SAMD14: variants seen among roughly 807,000 people sequenced by gnomAD.
SAMD14 encodes the protein sterile alpha motif domain containing 14, also known as sterile alpha motif domain-containing protein 14.
SAMD14 carries 27 observed loss-of-function variants against 46.2 expected under a neutral mutation model. The observed-to-expected ratio is 0.58, with a 90% CI of 0.43 to 0.81. The LOEUF is 0.81. Ranked by LOEUF, SAMD14 falls within the 30% of genes least tolerant of loss-of-function variation. The pLI is 0.00. For synonymous variants in SAMD14, 241 were observed against 254.3 expected, an observed-to-expected ratio of 0.95 and a Z score of 0.50; for missense variants, 559 against 582.2, an observed-to-expected ratio of 0.96 and a Z score of 0.41.
rs1374367088 is a variant in SAMD14 at position 50,129,909 on chromosome 17, C to G, written c.-405G>C. Reference sequence around the variant, plus strand: ...CCTCCCTCCCCGCCCCTGCCGCCCGCCAGGCCTGGCCGGACGCGGGGCCCC... The same window carrying G: ...CCTCCCTCCCCGCCCCTGCCGCCCGGCAGGCCTGGCCGGACGCGGGGCCCC... On this transcript the variant is annotated 5_prime_UTR_variant, in exon 1 of 10. Transcript: ENST00000330175. The surrounding 1 kb of genome is among the most constrained non-coding windows in gnomAD (Gnocchi z 5.6). The G allele has an allele frequency of 6.6e-6, 1 of 151,924 alleles. No homozygotes were observed. Among genetic ancestry groups the G allele is most frequent in the Non-Finnish European group, 1.5e-5 (1 of 67,952 alleles). The allele number at this position is 151,924 out of a possible 1,614,324, so 9.4% of individuals were successfully genotyped here. A position where few individuals can be genotyped will look rare whatever the true frequency, so the allele number is the denominator to read the frequency against.
In SAMD14 at chr17:50,117,559, G is replaced by A; in HGVS notation, c.347C>T (p.Pro116Leu). Residue 116 changes from proline (P) to leucine (L), a missense_variant, in exon 4 of 10, where the codon CCC (proline) becomes CTC (leucine). Coordinates refer to ENST00000330175, the MANE Select transcript of SAMD14 (RefSeq NM_001257359.2). ...RRSLDEDEPPPSPLTRYRPLH... is the reference protein window; with the variant it reads ...RRSLDEDEPPLSPLTRYRPLH... ...GGGCCGGTAGCGTGTGAGCGGCGAG[G>A]GCGGCGGCTCGTCCTCGTCCAGGCT... 1 of 1,552,478 alleles carries A rather than the reference G, an allele frequency of 6.4e-7. No homozygotes were observed. The highest frequency in any genetic ancestry group is 1.2e-5 in the South Asian group (1 of 84,290).
At position 50,112,962 on chromosome 17, in the gene SAMD14, C is replaced by T; in HGVS notation, c.1185G>A (p.Lys395=). 2 of 1,611,338 alleles carry T rather than the reference C, an allele frequency of 1.2e-6. No individual in the cohort carries two copies. Among genetic ancestry groups the T allele is most frequent in the South Asian group, 1.1e-5 (1 of 91,090 alleles). ...GCTGCCGCGCAGCCTTCTCCTGGGC[C>T]TTGCGCTCCTTCTCGGCAGCTGCTG... ...EMAAAAEKER[K]AQEKAARQRE... Residue 395 remains lysine (K), a synonymous_variant, in exon 10 of 10, where the codon AAG becomes AAA. Coordinates refer to ENST00000330175, the MANE Select transcript of SAMD14 (RefSeq NM_001257359.2).
At position 50,118,197 on chromosome 17, in the gene SAMD14, C is replaced by T. The variant is rs367654801; in HGVS notation, c.174G>A (p.Ala58=). The change falls in exon 3 of 10, where the codon GCG becomes GCA. Residue 58 remains alanine, a synonymous_variant. Transcript: ENST00000330175. The stretch of plus-strand genomic sequence containing the variant: ...GCCCATCCGAGCCTTCACCATCCTC[C>T]GCGGAGCTGGCACTGTCCCGAAGCC... ...RSRLRDSASS[A]EDGEGSDGPG... 3 of 1,610,328 alleles carry T rather than the reference C, an allele frequency of 1.9e-6. No homozygotes were observed. The highest frequency in any genetic ancestry group is 1.7e-6 in the Non-Finnish European group (2 of 1,177,462).
chr17:50,116,651 C>T (rs955728221), intron 4 of SAMD14, among the ~76,000 whole-genome samples: 1 of 152,010 alleles, frequency 6.6e-6, no homozygotes, highest in Non-Finnish European at 1.5e-5. Flanking sequence ...AGGTGATCCA[C>T]CCGCCTCGGC....
chr17:50,110,082 G>A lies in SAMD14; in HGVS notation c.*2811C>T, dbSNP rs761583879. 12 of 1,607,286 alleles carry A rather than the reference G, an allele frequency of 7.5e-6. No individual in the cohort carries two copies. Among genetic ancestry groups the A allele is most frequent in the African/African-American group, 2.7e-5 (2 of 74,796 alleles). On this transcript the variant is annotated 3_prime_UTR_variant, in exon 10 of 10. Coordinates refer to ENST00000330175, the MANE Select transcript of SAMD14 (RefSeq NM_001257359.2). ...GCACGGAGCCCAAGAACACGTCCACGTACCGCGTCAGCTAAGGGCCGCCGT... is the reference window on the plus strand; with the variant it reads ...GCACGGAGCCCAAGAACACGTCCACATACCGCGTCAGCTAAGGGCCGCCGT...
intron 2 of SAMD14, 41 bp from the exon 3 acceptor site, chr17:50,118,368 A>C (rs1180279952): frequency 6.2e-7 from 1 of 1,601,166 alleles, no homozygotes; most frequent in South Asian, 1.1e-5. Flanking sequence ...GACACATGAG[A>C]GGTGACGGCA....
chr17:50,118,456 CAG>C, intron 2 of SAMD14, 129 bp from the exon 3 acceptor site: 1 of 1,052,468 alleles, frequency 9.5e-7, no homozygotes, highest in Non-Finnish European at 1.3e-6. Context: ...GCTGGGAGCA[CAG>C]ACAGATGAAA....
chr17:50,117,812 G>A (rs980792804), intron 3 of SAMD14, 117 bp from the exon 4 acceptor site: 16 of 1,127,438 alleles, frequency 1.4e-5, no homozygotes, highest in African/African-American at 1.3e-4. Flanking sequence ...CTAGAGGGAG[G>A]GTTTCCTCAT....
chr17:50,126,633 A>G (rs1247723519), intron 1 of SAMD14, among the ~76,000 whole-genome samples: 1 of 152,022 alleles, frequency 6.6e-6, no homozygotes, highest in African/African-American at 2.4e-5. Flanking sequence ...CACTTTACAG[A>G]TACATATCGC....
rs1011596653 is a variant in SAMD14, at chr17:50,115,877, G to T, written c.615C>A (p.Gly205=). The change falls in exon 6 of 10, where the codon GGC becomes GGA. Residue 205 remains glycine (G), a synonymous_variant. Transcript: ENST00000330175. This position sits in a 1 kb window ranked among gnomAD's most constrained non-coding sequence, Gnocchi z 5.3. ...TGCTGCCTTTCTCCTTCCGGCTCTT[G>T]CCCGTGGATGCTCGGCGCAGGGTGA... ...LGVTLRRAST[G]KSRKEKGSNR... The T allele has an allele frequency of 2.5e-6, 4 of 1,613,262 alleles. No individual in the cohort carries two copies. Among genetic ancestry groups the T allele is most frequent in the African/African-American group, 1.3e-5 (1 of 75,058 alleles).
In SAMD14 at chr17:50,115,607, G is replaced by T. The variant is rs757706874; in HGVS notation, c.779C>A (p.Ser260Tyr). 1.9e-6 allele frequency: 3 copies of T among 1,593,062 alleles called. No homozygotes were observed. The highest frequency in any genetic ancestry group is 2.6e-6 in the Non-Finnish European group (3 of 1,167,802). Residue 260 changes from serine to tyrosine, a missense_variant, in exon 7 of 10, where the codon TCC becomes TAC. Transcript: ENST00000330175. The surrounding 1 kb of genome is among the most constrained non-coding windows in gnomAD (Gnocchi z 5.3). ...AGGGCTGAAGCCCTCGTGTTTAGGGGAGCAGGTGGGGGAGGTGGTGCTACC... is the reference window on the plus strand; with the variant it reads ...AGGGCTGAAGCCCTCGTGTTTAGGGTAGCAGGTGGGGGAGGTGGTGCTACC... ...SSGSTTSPTC[S>Y]PKHEGFSPKK...
intron 7 of SAMD14, chr17:50,114,814 G>A (rs958527838): frequency 5.8e-6 from 1 of 171,382 alleles, no homozygotes; most frequent in African/African-American, 2.4e-5. Flanking sequence ...GGTCCGAAGG[G>A]ATTCTTTCTT....
Position 50,116,020 on chromosome 17 carries a change from T to C in SAMD14, c.570A>G (p.Arg190=). 6.2e-7 allele frequency: 1 copy of C among 1,614,114 alleles called. No individual in the cohort carries two copies. Among genetic ancestry groups the C allele is most frequent in the East Asian group, 2.2e-5 (1 of 44,880 alleles). The change falls in exon 5 of 10, where the codon CGA becomes CGG. Residue 190 remains arginine (R), a synonymous_variant. Coordinates refer to ENST00000330175, the MANE Select transcript of SAMD14 (RefSeq NM_001257359.2). The stretch of plus-strand genomic sequence containing the variant: ...CCACTCACCCCAGGTCCAGGAACTT[T>C]CGGCGAGTCTTCTTATCGAGGCCGA... ...PTIGLDKKTR[R]KFLDLGVTLR... is the part of the protein sequence containing the mutation.
At chr17:50,126,792 G>A (rs187476599) in intron 1 of SAMD14, among the ~76,000 whole-genome samples, 28 of 152,086 alleles carry the variant, frequency 1.8e-4, no homozygotes, top group African/African-American at 6.5e-4. Flanking sequence ...AACATAGTGA[G>A]ACCCTCATCT....
In SAMD14 at chr17:50,112,958, G is replaced by A. The variant is rs950715807; in HGVS notation, c.1189C>T (p.Gln397Ter). The A allele has an allele frequency of 5.0e-6, 8 of 1,611,078 alleles. No homozygotes were observed. Among genetic ancestry groups the A allele is most frequent in the Non-Finnish European group, 5.9e-6 (7 of 1,179,984 alleles). ...AAAAEKERKAQEKAARQREKL... is the reference protein window; with the variant it reads ...AAAAEKERKA ...TCCCGCTGCCGCGCAGCCTTCTCCT[G>A]GGCCTTGCGCTCCTTCTCGGCAGCT... The change falls in exon 10 of 10, where the codon CAG becomes TAG. Residue 397 changes from glutamine (Q) to a stop codon, truncating the protein, a stop_gained. Transcript: ENST00000330175. LOFTEE classifies it high-confidence loss of function.
intron 1 of SAMD14, among the ~76,000 whole-genome samples, chr17:50,127,753 T>G (rs1911846122): frequency 6.6e-6 from 1 of 152,018 alleles, no homozygotes; most frequent in African/African-American, 2.4e-5. Context: ...CTAGCAAAGA[T>G]CTAGAACATT....
intron 2 of SAMD14, among the ~76,000 whole-genome samples, chr17:50,124,324 A>T (rs1911646578): frequency 6.6e-6 from 1 of 152,144 alleles, no homozygotes; most frequent in Non-Finnish European, 1.5e-5. Context: ...TGAGGGGGCC[A>T]GCCTGGGGGT....
At chr17:50,114,410 G>C (rs749587506) in intron 7 of SAMD14, 104 bp from the exon 8 acceptor site, 1 of 1,613,894 alleles carries the variant, frequency 6.2e-7, no homozygotes, top group Non-Finnish European at 8.5e-7. Flanking sequence ...GAGTTGCTCA[G>C]TGCCTCCTGT....
At chr17:50,128,980 G>A (rs1911908002) in intron 1 of SAMD14, among the ~76,000 whole-genome samples, 1 of 152,198 alleles carries the variant, frequency 6.6e-6, no homozygotes, top group Non-Finnish European at 1.5e-5. Flanking sequence ...GGGAGAGGCC[G>A]GGAAGAGGTG....
Sources: allele counts gnomAD v4.1 joint callset (sites outside exome capture counted in the v4.1 genomes callset), GRCh38; gene constraint gnomAD v4.1.1; non-coding constraint Gnocchi (gnomAD v3.1); transcripts MANE v1.5; gene names NCBI Gene and HGNC (gene_info 2026-07-23, HGNC 2026-07-21).